NECTIN3: variants seen among roughly 807,000 people sequenced by gnomAD.
The protein encoded by NECTIN3 is nectin cell adhesion molecule 3, also known as nectin-3.
Under a neutral mutation model 49.4 loss-of-function variants are expected in NECTIN3, and 8 were observed. The ratio of observed to expected loss-of-function variants is 0.16; its 90% CI spans 0.10 to 0.29. The LOEUF (loss-of-function observed/expected upper bound fraction) is 0.29, where lower values mean the gene tolerates loss of function less well. NECTIN3 is among the 10% of genes least tolerant of loss of function. The pLI is 1.00. For missense variants in NECTIN3, 581 were observed against 654.6 expected (o/e 0.89, Z 1.23); for synonymous variants, 277 against 241.1 (o/e 1.15, Z -1.38).
intron 2 of NECTIN3, among the ~76,000 whole-genome samples, chr3:111,115,977 T>C (rs1193750546): frequency 6.6e-6 from 1 of 152,170 alleles, no homozygotes; most frequent in African/African-American, 2.4e-5. Context: ...AAAATAATTT[T>C]GGTGTTAGGT....
chr3:111,136,272 T>C lies in NECTIN3; in HGVS notation c.*2057T>C. 1 of 966,116 alleles carries C rather than the reference T, an allele frequency of 1.0e-6. No individual in the cohort carries two copies. The highest frequency in any genetic ancestry group is 1.2e-6 in the Non-Finnish European group (1 of 812,536). The allele number at this position is 966,116 out of a possible 1,614,324, so 59.8% of individuals were successfully genotyped here. On this transcript the variant is annotated 3_prime_UTR_variant, in exon 6 of 6. Transcript: ENST00000485303. ...TATAATCTGAAGGAAATTAGCAGTG[T>C]ATTTTAAGAAATATATTTCAAAAAT... is the stretch of plus-strand genomic sequence containing the variant.
chr3:111,107,701 G>C (rs1281057708), intron 1 of NECTIN3, among the ~76,000 whole-genome samples: 1 of 152,156 alleles, frequency 6.6e-6, no homozygotes, highest in Non-Finnish European at 1.5e-5. Flanking sequence ...AGTAGAGGGA[G>C]GAAGTAGTAG....
Position 111,144,926 on chromosome 3 carries a change from T to G in NECTIN3, c.1028T>G (p.Ile343Arg). 3 of 1,536,264 alleles carry G rather than the reference T, an allele frequency of 2.0e-6. 1 individual carries two copies. In the South Asian group the frequency reaches 3.6e-5, roughly 18 times the overall value. Residue 343 changes from isoleucine (I) to arginine (R), a missense_variant, in exon 6 of 9, where the codon ATA becomes AGA. By Grantham distance (97) the Ile-to-Arg change is moderately conservative (BLOSUM62 -3). Coordinates refer to the NECTIN3 transcript ENST00000493615. ...GTTCCATTTAAGCAGACCTCTTCCATAGCTGTAGCTGGAGCGGTAATTGGA... is the reference window on the plus strand; with the variant it reads ...GTTCCATTTAAGCAGACCTCTTCCAGAGCTGTAGCTGGAGCGGTAATTGGA...
At chr3:111,152,401 A>G (rs1016441761) in intron 7 of NECTIN3, among the ~76,000 whole-genome samples, 12 of 151,916 alleles carry the variant, frequency 7.9e-5, no homozygotes, top group African/African-American at 2.9e-4. Flanking sequence ...AATAGTATGT[A>G]TATGTATACC....
At position 111,178,200 on chromosome 3, in the gene NECTIN3, G is replaced by C. The variant is rs74606655; in HGVS notation, c.1222-14151G>C. 1.8e-3 allele frequency among the ~76,000 whole-genome samples: 268 copies of C among 152,290 alleles called. 2 individuals carry two copies. Among genetic ancestry groups the C allele is most frequent in the African/African-American group, 6.1e-3 (252 of 41,568 alleles). On this transcript the variant is annotated intron_variant, in intron 7 of 8. Transcript: ENST00000493615. ...TGTTACAACTCTGTGGTTGACTTCA[G>C]AAAAATTCAGTGCTACCTTGTGGGA... is the stretch of plus-strand genomic sequence containing the variant.
chr3:111,149,924 T>C (rs2034965109), intron 7 of NECTIN3, among the ~76,000 whole-genome samples: 1 of 152,030 alleles, frequency 6.6e-6, no homozygotes, highest in Non-Finnish European at 1.5e-5. Flanking sequence ...CTATGAATAA[T>C]GCTATTTTTT....
intron 3 of NECTIN3, among the ~76,000 whole-genome samples, chr3:111,119,227 C>G (rs1383181647): frequency 5.9e-5 from 9 of 152,130 alleles, no homozygotes; most frequent in Non-Finnish European, 1.3e-4. Flanking sequence ...ACTTGTCCCT[C>G]AAAATGTACA....
intron 1 of NECTIN3, 65 bp downstream of exon 1, chr3:111,072,242 C>A: frequency 1.3e-6 from 2 of 1,486,838 alleles, no homozygotes; most frequent in South Asian, 1.3e-5. Flanking sequence ...GGCGCCGCGG[C>A]CGGCTCTGCC....
intron 5 of NECTIN3, among the ~76,000 whole-genome samples, chr3:111,127,457 C>T (rs1293143427): frequency 7.0e-6 from 1 of 142,302 alleles, no homozygotes; most frequent in Non-Finnish European, 1.5e-5. Flanking sequence ...GATAGAGGTG[C>T]AAACTTTCTT....
chr3:111,133,973 G>A lies in NECTIN3; in HGVS notation c.1408G>A (p.Val470Ile). 6.2e-7 allele frequency: 1 copy of A among 1,612,976 alleles called. No individual in the cohort carries two copies. The highest frequency in any genetic ancestry group is 8.5e-7 in the Non-Finnish European group (1 of 1,179,646). The change falls in exon 6 of 6, where the codon GTA (valine) becomes ATA (isoleucine). Residue 470 changes from valine (V) to isoleucine (I), a missense_variant. By Grantham distance (29) the Val-to-Ile change is conservative (BLOSUM62 3). Transcript: ENST00000485303. ...TGAGCTTGATTCTTACCCAGACAGT[G>A]TAAAAAAAGAAAACAAAAATCCAGT... is the stretch of plus-strand genomic sequence containing the variant. ...QDELDSYPDS[V>I]KKENKNPVNN...
intron 1 of NECTIN3, among the ~76,000 whole-genome samples, chr3:111,097,600 G>T (rs998469918): frequency 5.9e-5 from 9 of 152,152 alleles, no homozygotes; most frequent in Admixed American, 1.3e-4. Context: ...CATGGGGGCA[G>T]ATCTTTCCTG....
At chr3:111,111,756 A>G (rs778781715) in intron 1 of NECTIN3, among the ~76,000 whole-genome samples, 10 of 152,126 alleles carry the variant, frequency 6.6e-5, no homozygotes, top group Non-Finnish European at 1.3e-4. Context: ...TTTCACTGCA[A>G]CACATATTGG....
chr3:111,134,497 C>T lies in NECTIN3; in HGVS notation c.*282C>T, dbSNP rs2034508632. 4 of 1,048,376 alleles carry T rather than the reference C, an allele frequency of 3.8e-6. No individual in the cohort carries two copies. Among genetic ancestry groups the T allele is most frequent in the Middle Eastern group, 4.4e-4 (1 of 2,256 alleles). The allele number at this position is 1,048,376 out of a possible 1,614,324, so 64.9% of individuals were successfully genotyped here. ...GCACACAGGTAAGAAGAAATGTCAA[C>T]ATTAAATGTATGACTTACTTGGTAC... On this transcript the variant is annotated 3_prime_UTR_variant, in exon 6 of 6. Transcript: ENST00000485303.
chr3:111,083,122 G>C (rs1266524782), intron 1 of NECTIN3, among the ~76,000 whole-genome samples: 1 of 152,132 alleles, frequency 6.6e-6, no homozygotes, highest in Non-Finnish European at 1.5e-5. Flanking sequence ...TCTGCTGTGC[G>C]GTCCAGTTCC....
chr3:111,082,202 C>T (rs573550944), intron 1 of NECTIN3, among the ~76,000 whole-genome samples: 5 of 152,160 alleles, frequency 3.3e-5, no homozygotes, highest in African/African-American at 1.2e-4. Context: ...ATTAATCAAT[C>T]CAGTAAGGTT....
chr3:111,174,776 G>T (rs897267102), intron 7 of NECTIN3, among the ~76,000 whole-genome samples: 1 of 152,068 alleles, frequency 6.6e-6, no homozygotes, highest in African/African-American at 2.4e-5. Flanking sequence ...AAGAGCCCAG[G>T]TGTGCATGTG....
chr3:111,140,773 G>A (rs1401104042), downstream of NECTIN3, among the ~76,000 whole-genome samples: 1 of 151,766 alleles, frequency 6.6e-6, no homozygotes, highest in Non-Finnish European at 1.5e-5. Flanking sequence ...ATTTTCTTCT[G>A]GAACTGTCCC....
chr3:111,144,348 G>C (rs2034822906), intron 5 of NECTIN3, among the ~76,000 whole-genome samples: 1 of 151,680 alleles, frequency 6.6e-6, no homozygotes, highest in Non-Finnish European at 1.5e-5. Context: ...ATGAATTAAG[G>C]GAAATTTTGT....
At chr3:111,157,717 T>C (rs1240996016) in intron 7 of NECTIN3, among the ~76,000 whole-genome samples, 1 of 152,088 alleles carries the variant, frequency 6.6e-6, no homozygotes, top group Non-Finnish European at 1.5e-5. Context: ...TTGTAGGTTA[T>C]AGGAAGCATT....
Sources: gnomAD v4.1 joint callset for allele counts (sites outside exome capture counted in the v4.1 genomes callset) on GRCh38, gnomAD v4.1.1 for gene constraint, MANE v1.5 for transcripts, NCBI Gene and HGNC (gene_info 2026-07-23, HGNC 2026-07-21) for gene names.